Variants in SF1 observed in about 807,000 individuals in gnomAD.
SF1 encodes branch point-binding protein.
SF1 carries 7 observed loss-of-function variants against 62.5 expected under a neutral mutation model. The ratio of observed to expected loss-of-function variants is 0.11; its 90% confidence interval spans 0.06 to 0.21. The LOEUF is 0.21. Ranked by LOEUF, SF1 falls within the 10% of genes least tolerant of loss-of-function variation. The pLI is 1.00. For missense variants in SF1, 578 were observed against 884.0 expected, an observed-to-expected ratio of 0.65 and a Z score of 4.39; for synonymous variants, 394 against 323.6, an observed-to-expected ratio of 1.22 and a Z score of -2.33.
chr11:64,769,619 C>A lies in SF1; in HGVS notation c.480-10G>T, dbSNP rs2135921575. The A allele has an allele frequency of 6.2e-7, 1 of 1,609,680 alleles. No homozygotes were observed. Among genetic ancestry groups the A allele is most frequent in the Non-Finnish European group, 8.5e-7 (1 of 1,176,974 alleles). ...CTTCAGGGTGTTCCCTCTAGAGAGG[C>A]AGAAATGACTAAGTTTATACCTGAC... On this transcript the variant is annotated splice_polypyrimidine_tract_variant and intron_variant, in intron 5 of 12. Coordinates refer to ENST00000377390, the MANE Select transcript of SF1 (RefSeq NM_004630.4).
intron 2 of SF1, among the ~76,000 whole-genome samples, chr11:64,774,974 A>G (rs1294836465): frequency 6.6e-6 from 1 of 151,800 alleles, no homozygotes; most frequent in Non-Finnish European, 1.5e-5. Flanking sequence ...AAAAAAAAAA[A>G]AAAAGATATT....
chr11:64,767,403 C>A, intron 10 of SF1, 152 bp from the exon 11 acceptor site: 1 of 1,040,172 alleles, frequency 9.6e-7, no homozygotes, highest in East Asian at 2.4e-5. Flanking sequence ...AGAATCACTC[C>A]CTGAACCAGA....
chr11:64,769,107 A>G lies in SF1; in HGVS notation c.802T>C (p.Ser268Pro). Residue 268 changes from serine to proline, a missense_variant, in exon 8 of 13, where the codon TCA becomes CCA. Ser to Pro is a moderately conservative substitution (Grantham distance 74). Transcript: ENST00000377390. ...GTGTTGGTAATGCTGCGGGTCTCTGAGCTCTGCCAGGGTCTTAAGATCCTA... is the reference window on the plus strand; with the variant it reads ...GTGTTGGTAATGCTGCGGGTCTCTGGGCTCTGCCAGGGTCTTAAGATCCTA... ...DNRILRPWQS[S>P]ETRSITNTTV... 1.2e-6 allele frequency: 2 copies of G among 1,614,134 alleles called. No homozygotes were observed. Among genetic ancestry groups the G allele is most frequent in the Admixed American group, 1.7e-5 (1 of 60,026 alleles).
intron 1 of SF1, 41 bp from the exon 2 acceptor site, chr11:64,776,667 T>G: frequency 1.3e-6 from 2 of 1,596,612 alleles, no homozygotes; most frequent in Non-Finnish European, 1.7e-6. Context: ...TAAATACAAG[T>G]AGTTATCAAC....
rs568540168 is a variant in SF1 at position 64,777,678 on chromosome 11, T to C, written c.31+684A>G. The C allele has an allele frequency of 2.8e-5, 28 of 985,552 alleles. No homozygotes were observed. In the African/African-American group the frequency reaches 4.7e-4, roughly 17 times the overall value. 61.1% of individuals were successfully genotyped at this position (985,552 alleles called of 1,614,324 possible). A position where few individuals can be genotyped will look rare whatever the true frequency, so the allele number is the denominator to read the frequency against. Reference sequence around the variant, plus strand: ...AGCGCTGAACACCCGCCACCCCTGTTCCCGACACCAGCGGACTGGACAGCA... The same window carrying C: ...AGCGCTGAACACCCGCCACCCCTGTCCCCGACACCAGCGGACTGGACAGCA... On this transcript the variant is annotated intron_variant, in intron 1 of 12. Transcript: ENST00000377390.
At chr11:64,768,599 G>A (rs1937746712) in intron 8 of SF1, among the ~76,000 whole-genome samples, 1 of 152,230 alleles carries the variant, frequency 6.6e-6, no homozygotes, top group Non-Finnish European at 1.5e-5. Flanking sequence ...TTGAGGAAAG[G>A]AAAATCTATG....
intron 11 of SF1, 25 bp downstream of exon 11, chr11:64,767,167 C>A: frequency 6.2e-7 from 1 of 1,613,778 alleles, no homozygotes; most frequent in Non-Finnish European, 8.5e-7. Context: ...TAGGTGAAGA[C>A]CCACAGCCAG....
chr11:64,777,780 G>GGCCCCCCCCCC, intron 1 of SF1: 2 of 445,346 alleles, frequency 4.5e-6, no homozygotes, highest in Non-Finnish European at 5.6e-6. Context: ...AGCGCCTCCC[G>GGCCCCCCCCCC]CCCGCCCAGC....
At chr11:64,775,229 T>G (rs1938999723) in intron 2 of SF1, among the ~76,000 whole-genome samples, 2 of 152,186 alleles carry the variant, frequency 1.3e-5, no homozygotes, top group South Asian at 4.1e-4. Context: ...ACACCTCTCC[T>G]TTGATTCTAT....
intron 8 of SF1, 148 bp from the exon 9 acceptor site, chr11:64,768,434 C>T: frequency 6.9e-6 from 5 of 724,292 alleles, no homozygotes; most frequent in Non-Finnish European, 1.1e-5. Context: ...CTGGGCATGG[C>T]TCTCAACAGT....
At chr11:64,770,186 G>A (rs1592481234) in intron 4 of SF1, 70 bp downstream of exon 4, 1 of 1,572,902 alleles carries the variant, frequency 6.4e-7, no homozygotes, top group Non-Finnish European at 8.7e-7. Context: ...TACCAATACT[G>A]TCCCATCCCA....
At position 64,776,639 on chromosome 11, in the gene SF1, G is replaced by C. The variant is rs750945662; in HGVS notation, c.32-13C>G. 3.7e-6 allele frequency: 6 copies of C among 1,605,256 alleles called. No individual in the cohort carries two copies. The highest frequency in any genetic ancestry group is 4.2e-6 in the Non-Finnish European group (5 of 1,177,662). On this transcript the variant is annotated splice_polypyrimidine_tract_variant and intron_variant, in intron 1 of 12. Transcript: ENST00000377390. ...TTACTTGGGAAGTCTAAAAGGCAGA[G>C]ACAAAATCCATCCGATGTAAATACA...
At chr11:64,777,628 G>C in intron 1 of SF1, 2 of 985,576 alleles carry the variant, frequency 2.0e-6, no homozygotes, top group Non-Finnish European at 2.4e-6. Context: ...ACGCCCTGCT[G>C]GCATTCACAG....
chr11:64,777,083 C>T (rs1460773408), intron 1 of SF1, among the ~76,000 whole-genome samples: 8 of 152,364 alleles, frequency 5.3e-5, no homozygotes, highest in Non-Finnish European at 1.2e-4. Flanking sequence ...GGCCGGACCA[C>T]AACTAAACCT....
At chr11:64,773,366 C>A in intron 3 of SF1, 64 bp downstream of exon 3, 1 of 1,582,722 alleles carries the variant, frequency 6.3e-7, no homozygotes, top group Admixed American at 1.9e-5. Flanking sequence ...ATGTTGCCAC[C>A]AGTAAAACGT....
chr11:64,765,555 G>A lies in SF1; in HGVS notation c.*263C>T, dbSNP rs200167283. ...GTTTGGGGAGAGGCAAAGGGAGTTG[G>A]GTGAGGAGAGAAAGAAGACAAAGAA... On this transcript the variant is annotated 3_prime_UTR_variant, in exon 13 of 13. Coordinates refer to ENST00000377390, the MANE Select transcript of SF1 (RefSeq NM_004630.4). 130 of 1,577,958 alleles carry A rather than the reference G, an allele frequency of 8.2e-5. No individual in the cohort carries two copies. The highest frequency in any genetic ancestry group is 1.5e-5 in the Non-Finnish European group (18 of 1,165,166).
intron 3 of SF1, chr11:64,772,724 A>C: frequency 3.1e-6 from 3 of 983,598 alleles, no homozygotes; most frequent in Non-Finnish European, 2.4e-6. Flanking sequence ...CCCCCACACA[A>C]TTTATTTTTC....
intron 3 of SF1, 190 bp from the exon 4 acceptor site, chr11:64,770,598 G>T: frequency 1.8e-6 from 1 of 560,078 alleles, no homozygotes; most frequent in Non-Finnish European, 3.1e-6. Context: ...AACGTTAGGG[G>T]TCTGGGGTGT....
intron 3 of SF1, chr11:64,771,419 C>G (rs1352320988): frequency 1.0e-5 from 10 of 973,644 alleles, no homozygotes; most frequent in Non-Finnish European, 1.1e-5. Flanking sequence ...CCATGTGGAT[C>G]AGGTTATTAA....
Sources: gnomAD v4.1 joint callset for allele counts (sites outside exome capture counted in the v4.1 genomes callset) on GRCh38, gnomAD v4.1.1 for gene constraint, MANE v1.5 for transcripts, NCBI Gene and HGNC (gene_info 2026-07-23, HGNC 2026-07-21) for gene names.